The following MAPK4 variants were observed in gnomAD, a reference collection of about 807,000 sequenced individuals.
MAPK4 encodes mitogen-activated protein kinase 4, also known as Erk3-related.
A neutral mutation model predicts 47.7 loss-of-function variants in MAPK4; 22 were observed. That is an observed-to-expected ratio of 0.46 (90% CI 0.33 to 0.66). The LOEUF is 0.66. MAPK4 is among the 30% of genes least tolerant of loss of function. MAPK4 has a pLI of 0.02. For synonymous variants in MAPK4, 390 were observed against 365.7 expected, an observed-to-expected ratio of 1.07 and a Z score of -0.76; for missense variants, 736 against 831.7, an observed-to-expected ratio of 0.88 and a Z score of 1.42.
intron 2 of MAPK4, among the ~76,000 whole-genome samples, chr18:50,681,365 T>G (rs9967413): frequency 0.058 from 8,816 of 152,310 alleles, 568 homozygotes; most frequent in African/African-American, 0.16. Context: ...CAAGTTCTTT[T>G]GTGTTGTCTT....
intron 1 of MAPK4, among the ~76,000 whole-genome samples, chr18:50,601,122 A>G (rs1276167676): frequency 2.0e-5 from 3 of 150,826 alleles, no homozygotes; most frequent in African/African-American, 7.3e-5. Context: ...AAAGAAGAAG[A>G]AGAAGAAGAC....
chr18:50,561,263 C>T (rs1246913633), intron 1 of MAPK4, among the ~76,000 whole-genome samples: 2 of 152,246 alleles, frequency 1.3e-5, no homozygotes, highest in African/African-American at 4.8e-5. Context: ...TGATTAATGT[C>T]ACCCCTGCCT....
chr18:50,597,575 T>C (rs1202365330), intron 1 of MAPK4, among the ~76,000 whole-genome samples: 1 of 152,250 alleles, frequency 6.6e-6, no homozygotes, highest in Non-Finnish European at 1.5e-5. Context: ...ATCTACTTTC[T>C]TAGTGGCTTG....
intron 1 of MAPK4, among the ~76,000 whole-genome samples, chr18:50,590,873 C>G (rs917570959): frequency 1.3e-5 from 2 of 152,124 alleles, no homozygotes; most frequent in African/African-American, 4.8e-5. Flanking sequence ...GCACAGAGCT[C>G]AGCATATCAT....
chr18:50,695,634 C>T (rs1909474135), intron 2 of MAPK4, among the ~76,000 whole-genome samples: 1 of 152,132 alleles, frequency 6.6e-6, no homozygotes, highest in South Asian at 2.1e-4. Flanking sequence ...GTGGCGGATG[C>T]CACGCGTGCA....
chr18:50,688,041 T>C (rs1223368397), intron 2 of MAPK4, among the ~76,000 whole-genome samples: 1 of 152,092 alleles, frequency 6.6e-6, no homozygotes, highest in Non-Finnish European at 1.5e-5. Flanking sequence ...AAGGTGATCA[T>C]GGGCAGCTGC....
chr18:50,581,045 T>C (rs984228882), intron 1 of MAPK4, among the ~76,000 whole-genome samples: 2 of 152,214 alleles, frequency 1.3e-5, no homozygotes, highest in Non-Finnish European at 2.9e-5. Context: ...CTGTGAGCAC[T>C]GAAGGAGGAG....
chr18:50,574,209 C>G (rs2042274983), intron 1 of MAPK4, among the ~76,000 whole-genome samples: 1 of 152,148 alleles, frequency 6.6e-6, no homozygotes, highest in East Asian at 1.9e-4. Context: ...TATAGGCTGT[C>G]TCTCTTTTTG....
Position 50,663,846 on chromosome 18 carries a change from C to A in MAPK4, c.-113C>A. ...GACCTCACTAGGAGAAAACACATCC[C>A]TCAGCCGTGGGACTTGACAGAATGA... On this transcript the variant is annotated 5_prime_UTR_variant, in exon 2 of 6. Transcript: ENST00000400384. 1 of 910,682 alleles carries A rather than the reference C, an allele frequency of 1.1e-6. No homozygotes were observed. Among genetic ancestry groups the A allele is most frequent in the Non-Finnish European group, 1.7e-6 (1 of 599,148 alleles). 56.4% of individuals were successfully genotyped at this position (910,682 alleles called of 1,614,324 possible). A position where few individuals can be genotyped will look rare whatever the true frequency, so the allele number is the denominator to read the frequency against.
intron 1 of MAPK4, among the ~76,000 whole-genome samples, chr18:50,632,186 TC>T (rs2042836824): frequency 6.6e-6 from 1 of 152,116 alleles, no homozygotes; most frequent in South Asian, 2.1e-4. Flanking sequence ...TTGGGTTAGG[TC>T]CCCTGGGGCG....
At chr18:50,605,619 A>G (rs2042576375) in intron 1 of MAPK4, among the ~76,000 whole-genome samples, 1 of 152,206 alleles carries the variant, frequency 6.6e-6, no homozygotes, top group East Asian at 1.9e-4. Flanking sequence ...TATTCAGTTC[A>G]GGCCTGAGGT....
intron 2 of MAPK4, among the ~76,000 whole-genome samples, chr18:50,696,271 C>G (rs1214235464): frequency 1.3e-5 from 2 of 152,176 alleles, no homozygotes; most frequent in African/African-American, 4.8e-5. Flanking sequence ...GGGAAGAAAA[C>G]TTGACCTTTG....
chr18:50,648,998 A>G (rs1462058156), intron 1 of MAPK4, among the ~76,000 whole-genome samples: 1 of 152,230 alleles, frequency 6.6e-6, no homozygotes, highest in African/African-American at 2.4e-5. Context: ...AAAAGACAAA[A>G]TGATCCACAG....
chr18:50,681,672 C>T (rs1341650872), intron 2 of MAPK4, among the ~76,000 whole-genome samples: 1 of 152,176 alleles, frequency 6.6e-6, no homozygotes, highest in Admixed American at 6.5e-5. Flanking sequence ...CTTGAAAACA[C>T]TATTTTTTCC....
In MAPK4 at chr18:50,663,780, T is replaced by G. The variant is rs1373003803; in HGVS notation, c.-179T>G. 8 of 584,494 alleles carry G rather than the reference T, an allele frequency of 1.4e-5. No homozygotes were observed. The highest frequency in any genetic ancestry group is 3.0e-5 in the Admixed American group (1 of 33,030). The allele number at this position is 584,494 out of a possible 1,614,324, so 36.2% of individuals were successfully genotyped here. Reference sequence around the variant, plus strand: ...CCCAACTAGCACAGCTCAGCGAGCATGACCATATGCCATTCTCGTCTCCAG... The same window carrying G: ...CCCAACTAGCACAGCTCAGCGAGCAGGACCATATGCCATTCTCGTCTCCAG... On this transcript the variant is annotated 5_prime_UTR_variant, in exon 2 of 6. It removes an upstream start codon present in the reference 5' UTR. Coordinates refer to ENST00000400384, the MANE Select transcript of MAPK4 (RefSeq NM_002747.4).
chr18:50,607,627 C>T (rs1489075301), intron 1 of MAPK4, among the ~76,000 whole-genome samples: 1 of 152,194 alleles, frequency 6.6e-6, no homozygotes. Flanking sequence ...CTGACGCACA[C>T]AGTAAGAAGG....
chr18:50,612,408 C>T (rs902481476), intron 1 of MAPK4, among the ~76,000 whole-genome samples: 2 of 152,176 alleles, frequency 1.3e-5, no homozygotes, highest in African/African-American at 4.8e-5. Flanking sequence ...AGGTCTTGGA[C>T]ATATAGATAT....
intron 1 of MAPK4, among the ~76,000 whole-genome samples, chr18:50,637,359 T>C (rs550947083): frequency 7.7e-4 from 118 of 152,264 alleles, no homozygotes; most frequent in Non-Finnish European, 1.4e-3. Context: ...ATTTGACACA[T>C]GTTGAAGGTC....
chr18:50,632,579 T>A (rs968140448), intron 1 of MAPK4, among the ~76,000 whole-genome samples: 4 of 151,930 alleles, frequency 2.6e-5, no homozygotes, highest in Non-Finnish European at 5.9e-5. Flanking sequence ...CTCTGGACTT[T>A]AATCATTCCT....
Sources: gnomAD v4.1 joint callset for allele counts (sites outside exome capture counted in the v4.1 genomes callset) on GRCh38, gnomAD v4.1.1 for gene constraint, MANE v1.5 for transcripts, NCBI Gene and HGNC (gene_info 2026-07-23, HGNC 2026-07-21) for gene names.